The following SORT1 variants were observed in gnomAD, a reference collection of about 807,000 sequenced individuals.
SORT1 encodes the protein sortilin 1, also known as sortilin.
SORT1 carries 39 observed loss-of-function variants against 101.7 expected under a neutral mutation model. The ratio of observed to expected loss-of-function variants is 0.38; its 90% CI spans 0.30 to 0.50. The LOEUF is 0.50. Ranked by LOEUF, SORT1 falls within the 20% of genes least tolerant of loss-of-function variation. The pLI is 0.90. For synonymous variants in SORT1, 396 were observed against 393.7 expected (o/e 1.01, Z -0.07); for missense variants, 878 against 1,040.4 (o/e 0.84, Z 2.15).
intron 3 of SORT1, among the ~76,000 whole-genome samples, chr1:109,360,416 T>C (rs572249150): frequency 1.1e-4 from 17 of 152,066 alleles, no homozygotes; most frequent in African/African-American, 4.1e-4. Flanking sequence ...CACTATAGCC[T>C]AGAACTCCTG....
At chr1:109,320,009 T>C (rs920832404) in intron 15 of SORT1, among the ~76,000 whole-genome samples, 1 of 152,194 alleles carries the variant, frequency 6.6e-6, no homozygotes, top group Non-Finnish European at 1.5e-5. Flanking sequence ...GTTGTGCCCC[T>C]GCCAACCTTG....
rs1036691277 is a variant in SORT1, at chr1:109,397,746, G to C, written c.147C>G (p.Arg49=). 1 of 1,197,508 alleles carries C rather than the reference G, an allele frequency of 8.4e-7. No individual in the cohort carries two copies. The highest frequency in any genetic ancestry group is 1.0e-6 in the Non-Finnish European group (1 of 965,826). The allele number at this position is 1,197,508 out of a possible 1,614,324, so 74.2% of individuals were successfully genotyped here. ...APPPPAAPLP[R]WSGPIGVSWG... ...AGCTCACCCCGATGGGGCCAGACCA[G>C]CGCGGCAGCGGCGCAGCGGGCGGCG... The change falls in exon 1 of 20, where the codon CGC becomes CGG. Residue 49 remains arginine (R), a synonymous_variant. Coordinates refer to ENST00000256637, the MANE Select transcript of SORT1 (RefSeq NM_002959.7).
intron 3 of SORT1, among the ~76,000 whole-genome samples, chr1:109,360,764 G>GA (rs565328242): frequency 9.1e-4 from 138 of 152,324 alleles, no homozygotes; most frequent in Non-Finnish European, 1.8e-3. Flanking sequence ...AGCCTTGCCA[G>GA]AAAGGGGGTA....
rs751887405 is a variant in SORT1 at position 109,355,390 on chromosome 1, T to C, written c.520A>G (p.Ile174Val). 37 of 1,593,716 alleles carry C rather than the reference T, an allele frequency of 2.3e-5. No homozygotes were observed. The highest frequency in any genetic ancestry group is 1.7e-4 in the Middle Eastern group (1 of 6,048). The change falls in exon 4 of 20, where the codon ATT becomes GTT. Residue 174 changes from isoleucine (I) to valine (V), a missense_variant. Physicochemically the swap from Ile to Val is conservative, Grantham distance 29 (BLOSUM62 3). Coordinates refer to ENST00000256637, the MANE Select transcript of SORT1 (RefSeq NM_002959.7). ...ACCTTTCCAGAGTTCTCAGGACCAA[T>C]AGCCATGCCAAATTCAGTCCGAATA... is the stretch of plus-strand genomic sequence containing the variant. ...TFIRTEFGMA[I>V]GPENSGKVVL...
chr1:109,322,675 G>A (rs1647712932), intron 15 of SORT1, among the ~76,000 whole-genome samples: 1 of 151,864 alleles, frequency 6.6e-6, no homozygotes, highest in South Asian at 2.1e-4. Context: ...GATTATAGGC[G>A]TGCGCCACCA....
rs1649845472 is a variant in SORT1, at chr1:109,349,869, C to T, written c.782+1060G>A. Among the ~76,000 whole-genome samples the T allele has an allele frequency of 4.6e-5, 7 of 152,220 alleles. No individual in the cohort carries two copies. In the South Asian group the frequency reaches 1.2e-3, roughly 27 times the overall value. ...AGACATATTTCAAATCTGTATTCTA[C>T]ACTTTCCTGATTCCTAGAGTACAGG... On this transcript the variant is annotated intron_variant, in intron 6 of 19. Coordinates refer to ENST00000256637, the MANE Select transcript of SORT1 (RefSeq NM_002959.7).
chr1:109,351,968 GTGT>G (rs1557803658), intron 5 of SORT1, among the ~76,000 whole-genome samples: 128 of 16,120 alleles, frequency 7.9e-3, no homozygotes, highest in East Asian at 0.05. Context: ...AGGTAGGGGT[GTGT>G]GTGTGTGTGT....
intron 14 of SORT1, among the ~76,000 whole-genome samples, chr1:109,323,935 G>A (rs1647810102): frequency 6.6e-6 from 1 of 152,166 alleles, no homozygotes; most frequent in African/African-American, 2.4e-5. Context: ...CTATTTGAAC[G>A]TCTTATGGAA....
In SORT1 at chr1:109,340,773, G is replaced by A. The variant is rs147358109; in HGVS notation, c.1215C>T (p.Thr405=). 2.5e-6 allele frequency: 4 copies of A among 1,613,950 alleles called. No individual in the cohort carries two copies. In the African/African-American group the frequency reaches 5.3e-5, roughly 22 times the overall value. ...AGACGCCGCGGAGGGAGGTCACGTT[G>A]GTAAAGTCCGTCTCTCCGCCTGTGG... ...YTTTGGETDF[T]NVTSLRGVYI... Residue 405 remains threonine (T), a synonymous_variant, in exon 10 of 20, where the codon ACC becomes ACT. Coordinates refer to ENST00000256637, the MANE Select transcript of SORT1 (RefSeq NM_002959.7).
intron 1 of SORT1, among the ~76,000 whole-genome samples, chr1:109,394,152 C>T (rs1653062031): frequency 6.6e-6 from 1 of 152,078 alleles, no homozygotes; most frequent in African/African-American, 2.4e-5. Context: ...AAAGTTATAA[C>T]TATTTATCTT....
chr1:109,397,827 G>T lies in SORT1; in HGVS notation c.66C>A (p.Leu22=). Residue 22 remains leucine (L), a synonymous_variant, in exon 1 of 20, where the codon CTC becomes CTA. Coordinates refer to ENST00000256637, the MANE Select transcript of SORT1 (RefSeq NM_002959.7). ...SRWPHGLGLL[L]LLQLLPPSTL... ...TCGACGGCGGCAGCAGCTGCAGGAG[G>T]AGGAGGAGGCCGAGGCCATGGGGCC... 1 of 1,301,484 alleles carries T rather than the reference G, an allele frequency of 7.7e-7. No individual in the cohort carries two copies. Among genetic ancestry groups the T allele is most frequent in the Non-Finnish European group, 9.9e-7 (1 of 1,014,448 alleles). 80.6% of individuals were successfully genotyped at this position (1,301,484 alleles called of 1,614,324 possible). A position where few individuals can be genotyped will look rare whatever the true frequency, so the allele number is the denominator to read the frequency against.
chr1:109,319,166 T>C (rs1310920886), intron 15 of SORT1, among the ~76,000 whole-genome samples: 4 of 152,222 alleles, frequency 2.6e-5, no homozygotes, highest in African/African-American at 9.6e-5. Flanking sequence ...CTTCTGTTCC[T>C]CTTAGCTTCT....
chr1:109,358,339 C>T (rs971469847), intron 3 of SORT1, among the ~76,000 whole-genome samples: 18 of 152,188 alleles, frequency 1.2e-4, no homozygotes, highest in South Asian at 2.1e-4. Context: ...GTCTCAAACT[C>T]CTGGCCTCAA....
chr1:109,345,722 G>C (rs749213505), intron 8 of SORT1, 29 bp downstream of exon 8: 3 of 1,581,362 alleles, frequency 1.9e-6, no homozygotes, highest in Non-Finnish European at 2.6e-6. Context: ...AGAAATATCA[G>C]ACCCCAAAGG....
intron 10 of SORT1, 141 bp from the exon 11 acceptor site, chr1:109,336,487 T>C: frequency 1.6e-6 from 1 of 637,194 alleles, no homozygotes; most frequent in Non-Finnish European, 2.8e-6. Context: ...AAACGGCTCA[T>C]TGTTGGTAAC....
chr1:109,340,782 C>T lies in SORT1; in HGVS notation c.1206G>A (p.Thr402=), dbSNP rs368931894. ...GGAGGGAGGTCACGTTGGTAAAGTC[C>T]GTCTCTCCGCCTGTGGTAGTGTAGA... is the stretch of plus-strand genomic sequence containing the variant. The part of the protein sequence containing the change: ...RHLYTTTGGE[T]DFTNVTSLRG... The change falls in exon 10 of 20, where the codon ACG becomes ACA. Residue 402 remains threonine, a synonymous_variant. Coordinates refer to ENST00000256637, the MANE Select transcript of SORT1 (RefSeq NM_002959.7). 166 of 1,613,964 alleles carry T rather than the reference C, an allele frequency of 1.0e-4. No homozygotes were observed. Among genetic ancestry groups the T allele is most frequent in the Non-Finnish European group, 1.3e-4 (153 of 1,180,010 alleles).
chr1:109,326,464 TACATAC>T (rs71827548), intron 13 of SORT1, among the ~76,000 whole-genome samples: 10,048 of 63,786 alleles, frequency 0.16, 849 homozygotes, highest in South Asian at 0.21. Context: ...TATATATATA[TACATAC>T]ACACACACAC....
intron 1 of SORT1, among the ~76,000 whole-genome samples, chr1:109,381,282 C>T (rs1480159752): frequency 6.6e-6 from 1 of 152,102 alleles, no homozygotes; most frequent in African/African-American, 2.4e-5. Flanking sequence ...GTATCTTACA[C>T]ACATTATTAT....
intron 6 of SORT1, among the ~76,000 whole-genome samples, chr1:109,349,894 G>A (rs1442087127): frequency 6.6e-6 from 1 of 152,154 alleles, no homozygotes; most frequent in Non-Finnish European, 1.5e-5. Context: ...TAGAGTACAG[G>A]AAACTCTTGG....
Sources: allele counts gnomAD v4.1 joint callset (sites outside exome capture counted in the v4.1 genomes callset), GRCh38; gene constraint gnomAD v4.1.1; transcripts MANE v1.5; gene names NCBI Gene and HGNC (gene_info 2026-07-23, HGNC 2026-07-21).